Variants in TDRD5 observed in about 807,000 individuals in gnomAD.
The protein encoded by TDRD5 is tudor domain-containing protein 5.
A neutral mutation model predicts 120.6 loss-of-function variants in TDRD5; 41 were observed. The observed-to-expected ratio is 0.34, with a 90% confidence interval of 0.26 to 0.44. TDRD5 has a LOEUF of 0.44. TDRD5 is among the 20% of genes least tolerant of loss of function. TDRD5 has a pLI of 1.00. For synonymous variants in TDRD5, 430 were observed against 433.7 expected, an observed-to-expected ratio of 0.99 and a Z score of 0.11; for missense variants, 1,006 against 1,221.2, an observed-to-expected ratio of 0.82 and a Z score of 2.63.
chr1:179,678,977 A>G (rs1680286954), intron 17 of TDRD5, among the ~76,000 whole-genome samples: 1 of 152,214 alleles, frequency 6.6e-6, no homozygotes, highest in African/African-American at 2.4e-5. Context: ...TATTACAAAT[A>G]AAGTGTAATG....
chr1:179,686,343 G>A lies in TDRD5; in HGVS notation c.2861-4353G>A, dbSNP rs1051257281. 1.8e-4 allele frequency among the ~76,000 whole-genome samples: 28 copies of A among 152,158 alleles called. 1 individual carries two copies. The highest frequency in any genetic ancestry group is 1.0e-3 in the Admixed American group (16 of 15,272). Reference sequence around the variant, plus strand: ...TGGTTCTGTGTATATGAGGAATTACGTTTATTGATTTGCATATGTTGAACC... The same window carrying A: ...TGGTTCTGTGTATATGAGGAATTACATTTATTGATTTGCATATGTTGAACC... On this transcript the variant is annotated intron_variant, in intron 17 of 17. Transcript: ENST00000444136.
At chr1:179,673,174 G>A (rs183113405) in intron 17 of TDRD5, among the ~76,000 whole-genome samples, 57 of 152,182 alleles carry the variant, frequency 3.7e-4, no homozygotes, top group Non-Finnish European at 5.4e-4. Flanking sequence ...TGAATTTGTG[G>A]ATTGCTTTTG....
At chr1:179,626,219 T>G (rs1005967854) in intron 6 of TDRD5, among the ~76,000 whole-genome samples, 11 of 146,524 alleles carry the variant, frequency 7.5e-5, no homozygotes, top group Non-Finnish European at 1.7e-4. Context: ...ATAATAATAA[T>G]AATAAAAAGA....
At position 179,631,851 on chromosome 1, in the gene TDRD5, AT is replaced by A. The variant is rs745777571; in HGVS notation, c.1126+953del. ...TACCACATTGCATTTAGGGCACTTG[AT>A]TTTTTTTTTTTTTTTTTTTTTGTGG... On this transcript the variant is annotated intron_variant, in intron 7 of 17. Coordinates refer to ENST00000444136, the MANE Select transcript of TDRD5 (RefSeq NM_001199085.3). Among the ~76,000 whole-genome samples the A allele has an allele frequency of 6.6e-3, 488 of 74,340 alleles. 5 individuals are homozygous for A. Among genetic ancestry groups the A allele is most frequent in the African/African-American group, 0.024 (461 of 19,508 alleles). The allele number at this position is 74,340 out of a possible 152,430, so 48.8% of individuals were successfully genotyped here.
intron 14 of TDRD5, among the ~76,000 whole-genome samples, chr1:179,658,373 A>G (rs1465631247): frequency 6.6e-6 from 1 of 152,190 alleles, no homozygotes; most frequent in East Asian, 1.9e-4. Context: ...ATATTACCTT[A>G]TAAAACTATC....
At chr1:179,598,003 G>T (rs1675496958) in intron 4 of TDRD5, among the ~76,000 whole-genome samples, 1 of 152,168 alleles carries the variant, frequency 6.6e-6, no homozygotes, top group Non-Finnish European at 1.5e-5. Context: ...TGTGTTGTTA[G>T]GTGATTTTAT....
chr1:179,662,186 A>G lies in TDRD5; in HGVS notation c.2405A>G (p.Gln802Arg), dbSNP rs1189299244. The change falls in exon 15 of 18, where the codon CAG (glutamine) becomes CGG (arginine). Residue 802 changes from glutamine to arginine, a missense_variant. Coordinates refer to ENST00000444136, the MANE Select transcript of TDRD5 (RefSeq NM_001199085.3). Reference protein sequence around the residue: ...DIWDENWLPLQAKMGKGGDAA... With the variant: ...DIWDENWLPLRAKMGKGGDAA... Reference sequence around the variant, plus strand: ...TGGGATGAGAACTGGTTACCTCTACAGGCTAAGATGGGAAAAGGAGGTGAT... The same window carrying G: ...TGGGATGAGAACTGGTTACCTCTACGGGCTAAGATGGGAAAAGGAGGTGAT... 1.2e-6 allele frequency: 2 copies of G among 1,612,718 alleles called. No individual in the cohort carries two copies. The highest frequency in any genetic ancestry group is 1.1e-5 in the South Asian group (1 of 90,718).
chr1:179,640,181 A>G (rs868697651), intron 10 of TDRD5, 130 bp downstream of exon 10: 9 of 1,114,374 alleles, frequency 8.1e-6, no homozygotes, highest in Middle Eastern at 5.4e-4. Flanking sequence ...TTCTTAGTGC[A>G]TATTTGACAA....
chr1:179,625,583 CT>C (rs1461206342), intron 6 of TDRD5, among the ~76,000 whole-genome samples: 1 of 152,140 alleles, frequency 6.6e-6, no homozygotes. Flanking sequence ...AATGGTACAA[CT>C]ACTGTGGAAA....
At chr1:179,614,849 T>G (rs1351730817) in intron 4 of TDRD5, among the ~76,000 whole-genome samples, 1 of 152,196 alleles carries the variant, frequency 6.6e-6, no homozygotes, top group African/African-American at 2.4e-5. Flanking sequence ...TAAATCAAGC[T>G]GTTTGACATG....
At chr1:179,690,426 G>C (rs1681076001) in intron 17 of TDRD5, among the ~76,000 whole-genome samples, 1 of 152,116 alleles carries the variant, frequency 6.6e-6, no homozygotes, top group Non-Finnish European at 1.5e-5. Context: ...CTAGAAATAA[G>C]GCATCCCTTC....
At chr1:179,605,104 AGGCCCT>A (rs1325780245) in intron 4 of TDRD5, among the ~76,000 whole-genome samples, 1 of 152,142 alleles carries the variant, frequency 6.6e-6, no homozygotes, top group Non-Finnish European at 1.5e-5. Flanking sequence ...CTGTTGGACA[AGGCCCT>A]TTACCATTAT....
chr1:179,679,237 C>A (rs1327492707), intron 17 of TDRD5, among the ~76,000 whole-genome samples: 1 of 152,100 alleles, frequency 6.6e-6, no homozygotes, highest in Non-Finnish European at 1.5e-5. Flanking sequence ...ATATACTATC[C>A]ATTTTATAGA....
intron 4 of TDRD5, among the ~76,000 whole-genome samples, chr1:179,605,343 T>TA (rs1675915936): frequency 6.6e-6 from 1 of 152,162 alleles, no homozygotes; most frequent in African/African-American, 2.4e-5. Flanking sequence ...CTGTATCTTT[T>TA]AAGTGGAGCA....
intron 11 of TDRD5, among the ~76,000 whole-genome samples, chr1:179,647,153 A>C (rs1218502020): frequency 1.3e-5 from 2 of 148,336 alleles, no homozygotes; most frequent in Admixed American, 6.8e-5. Context: ...GTCAATCCTG[A>C]GCCAAAAGAA....
intron 17 of TDRD5, among the ~76,000 whole-genome samples, chr1:179,687,445 G>A (rs1680788159): frequency 6.6e-6 from 1 of 152,168 alleles, no homozygotes; most frequent in Admixed American, 6.5e-5. Context: ...CCTTTGCTGA[G>A]GAGTGCTTTA....
At chr1:179,603,734 T>C (rs1473626263) in intron 4 of TDRD5, among the ~76,000 whole-genome samples, 2 of 152,242 alleles carry the variant, frequency 1.3e-5, no homozygotes, top group African/African-American at 2.4e-5. Context: ...ACTCACTTGA[T>C]CATGGTGGAT....
chr1:179,658,629 T>A (rs1440354687), intron 14 of TDRD5, among the ~76,000 whole-genome samples: 1 of 152,156 alleles, frequency 6.6e-6, no homozygotes, highest in Non-Finnish European at 1.5e-5. Flanking sequence ...GCAATGATAA[T>A]CTCCTATTAC....
intron 5 of TDRD5, among the ~76,000 whole-genome samples, chr1:179,619,202 G>T (rs1021344024): frequency 3.9e-5 from 6 of 152,134 alleles, no homozygotes; most frequent in African/African-American, 1.4e-4. Context: ...CCTCTAAAAT[G>T]CTTGAACAGA....
Sources: allele counts gnomAD v4.1 joint callset (sites outside exome capture counted in the v4.1 genomes callset), GRCh38; gene constraint gnomAD v4.1.1; transcripts MANE v1.5; gene names NCBI Gene and HGNC (gene_info 2026-07-23, HGNC 2026-07-21).